SAMD5: variants seen among roughly 807,000 people sequenced by gnomAD.
The protein encoded by SAMD5 is sterile alpha motif domain containing 5, also known as sterile alpha motif domain-containing protein 5.
A neutral mutation model predicts 11.3 loss-of-function variants in SAMD5; 13 were observed. The observed-to-expected ratio is 1.15, with a 90% CI of 0.75 to 1.83. SAMD5 has a LOEUF of 1.83. Ranked by LOEUF, SAMD5 falls within the 40% of genes most tolerant of loss-of-function variation. The pLI is 0.00. For missense variants in SAMD5, 255 were observed against 239.1 expected (o/e 1.07, Z -0.44); for synonymous variants, 129 against 111.3 (o/e 1.16, Z -1.00).
At chr6:147,894,976 CA>C in the SAMD5 span, among the ~76,000 whole-genome samples, 1 of 152,188 alleles carries the variant, frequency 6.6e-6, no homozygotes, top group Admixed American at 6.5e-5. Flanking sequence ...TTGCTCAAGG[CA>C]AAGTGGAATT....
chr6:147,666,622 CCTTT>C (rs1790725959), intron 1 of SAMD5, among the ~76,000 whole-genome samples: 1 of 152,140 alleles, frequency 6.6e-6, no homozygotes, highest in African/African-American at 2.4e-5. Flanking sequence ...AGGGAGATCT[CCTTT>C]CTTTTTGTGA....
intron 1 of SAMD5, among the ~76,000 whole-genome samples, chr6:147,657,656 G>A (rs1450733428): frequency 6.6e-6 from 1 of 152,166 alleles, no homozygotes; most frequent in East Asian, 1.9e-4. Flanking sequence ...GGAAGTCCAG[G>A]ATCAAGCCAT....
intron 1 of SAMD5, among the ~76,000 whole-genome samples, chr6:147,670,135 G>C (rs1302869678): frequency 1.3e-5 from 2 of 152,172 alleles, no homozygotes; most frequent in African/African-American, 4.8e-5. Context: ...GGATGACCAG[G>C]TGCATTGTCA....
intron 1 of SAMD5, among the ~76,000 whole-genome samples, chr6:147,705,804 A>G (rs572815715): frequency 6.6e-6 from 1 of 152,330 alleles, no homozygotes; most frequent in African/African-American, 2.4e-5. Flanking sequence ...AATTATTTAC[A>G]TATGCATTGG....
At chr6:147,945,209 T>C in the SAMD5 span, among the ~76,000 whole-genome samples, 4 of 152,162 alleles carry the variant, frequency 2.6e-5, no homozygotes, top group South Asian at 8.3e-4. Context: ...ATCCCTCTCC[T>C]CTCCCCGTGG....
At chr6:147,937,045 T>C in the SAMD5 span, among the ~76,000 whole-genome samples, 2 of 152,144 alleles carry the variant, frequency 1.3e-5, no homozygotes, top group African/African-American at 2.4e-5. Context: ...TGGACCTGAA[T>C]AGTGCCTGGA....
chr6:147,824,971 T>C, the SAMD5 span, among the ~76,000 whole-genome samples: 1 of 152,106 alleles, frequency 6.6e-6, no homozygotes, highest in Non-Finnish European at 1.5e-5. Context: ...AGATGTAAAA[T>C]GGCAACGAAT....
the SAMD5 span, among the ~76,000 whole-genome samples, chr6:147,823,688 C>T: frequency 2.6e-5 from 4 of 152,034 alleles, no homozygotes; most frequent in Non-Finnish European, 4.4e-5. Context: ...AAGAACTGAA[C>T]GGGAGGCTAA....
chr6:147,800,696 A>G, the SAMD5 span, among the ~76,000 whole-genome samples: 1 of 152,218 alleles, frequency 6.6e-6, no homozygotes, highest in Admixed American at 6.5e-5. Context: ...TAGTGGTTTA[A>G]TGTTTAATTC....
At chr6:147,587,502 G>T (rs1487691466) in intron 1 of SAMD5, among the ~76,000 whole-genome samples, 2 of 152,160 alleles carry the variant, frequency 1.3e-5, no homozygotes, top group African/African-American at 4.8e-5. Context: ...CTCCCAATGT[G>T]CTGGCATTAC....
the SAMD5 span, among the ~76,000 whole-genome samples, chr6:147,804,098 A>G: frequency 7.0e-6 from 1 of 142,012 alleles, no homozygotes; most frequent in Non-Finnish European, 1.5e-5. Flanking sequence ...ATTTTTTCTT[A>G]TTTTGAAGAT....
intron 1 of SAMD5, among the ~76,000 whole-genome samples, chr6:147,635,062 C>G (rs910963817): frequency 6.6e-6 from 1 of 152,202 alleles, no homozygotes; most frequent in Non-Finnish European, 1.5e-5. Flanking sequence ...GTACCCATCA[C>G]AGATCACATA....
chr6:147,944,061 G>T, the SAMD5 span, among the ~76,000 whole-genome samples: 1 of 152,112 alleles, frequency 6.6e-6, no homozygotes, highest in Non-Finnish European at 1.5e-5. Flanking sequence ...GGACTCCCCA[G>T]TGGCTTTGCC....
At chr6:147,545,598 G>A (rs1240703240) in intron 1 of SAMD5, among the ~76,000 whole-genome samples, 1 of 152,128 alleles carries the variant, frequency 6.6e-6, no homozygotes, top group African/African-American at 2.4e-5. Flanking sequence ...TGTAGTTAAG[G>A]ATAAGCGGAC....
chr6:147,747,504 A>ATTT, the SAMD5 span, among the ~76,000 whole-genome samples: 1 of 152,078 alleles, frequency 6.6e-6, no homozygotes, highest in East Asian at 1.9e-4. Flanking sequence ...CCAAGCCGTG[A>ATTT]TTTTTTAAAA....
the SAMD5 span, among the ~76,000 whole-genome samples, chr6:147,770,245 T>G: frequency 6.6e-6 from 1 of 152,188 alleles, no homozygotes; most frequent in Non-Finnish European, 1.5e-5. Flanking sequence ...TAGTATTGAC[T>G]GTACTTTAAT....
chr6:147,729,164 C>G (rs1791672683), intron 1 of SAMD5, among the ~76,000 whole-genome samples: 1 of 152,136 alleles, frequency 6.6e-6, no homozygotes. Flanking sequence ...TGTGTCTTTT[C>G]CTCTTCTTAT....
intron 1 of SAMD5, among the ~76,000 whole-genome samples, chr6:147,582,339 A>G (rs1347072197): frequency 1.3e-5 from 2 of 151,198 alleles, no homozygotes; most frequent in Non-Finnish European, 3.0e-5. Flanking sequence ...CCCCACCAAA[A>G]AAAAAAAAGG....
chr6:147,794,519 G>T, the SAMD5 span, among the ~76,000 whole-genome samples: 3 of 152,052 alleles, frequency 2.0e-5, no homozygotes, highest in Admixed American at 6.6e-5. Context: ...TTAAACATTT[G>T]TAATGTTAAA....
Sources: gnomAD v4.1 joint callset for allele counts (sites outside exome capture counted in the v4.1 genomes callset) on GRCh38, gnomAD v4.1.1 for gene constraint, MANE v1.5 for transcripts, NCBI Gene and HGNC (gene_info 2026-07-23, HGNC 2026-07-21) for gene names.